BHLHE22: variants seen among roughly 807,000 people sequenced by gnomAD.
BHLHE22 encodes the protein class E basic helix-loop-helix protein 22.
In BHLHE22, 8 loss-of-function variants were observed where a neutral mutation model predicts 17.6. The ratio of observed to expected loss-of-function variants is 0.45; its 90% CI spans 0.27 to 0.82. The LOEUF (loss-of-function observed/expected upper bound fraction) is 0.82, where lower values mean the gene tolerates loss of function less well. BHLHE22 is among the 40% of genes least tolerant of loss of function. The pLI, the probability that BHLHE22 is intolerant of heterozygous loss-of-function variation, is 0.16. For missense variants in BHLHE22, 570 were observed against 581.5 expected, an observed-to-expected ratio of 0.98 and a Z score of 0.20; for synonymous variants, 353 against 282.7, an observed-to-expected ratio of 1.25 and a Z score of -2.49.
chr8:64,581,424 A>G lies in BHLHE22; in HGVS notation c.634A>G (p.Ser212Gly). 1.3e-6 allele frequency: 2 copies of G among 1,535,586 alleles called. No individual in the cohort carries two copies. The highest frequency in any genetic ancestry group is 2.0e-5 in the Admixed American group (1 of 50,966). Residue 212 changes from serine (S) to glycine (G), a missense_variant, in exon 1 of 1, where the codon AGC becomes GGC. Coordinates refer to ENST00000321870, the MANE Select transcript of BHLHE22 (RefSeq NM_152414.5). This position sits in a 1 kb window ranked among gnomAD's most constrained non-coding sequence, Gnocchi z 6.4. ...CGGCGGCGGGGGTAGCAGCAGCGGT[A>G]GCAGTGGCGGCGGTGGCGGTAGCGG... is the stretch of plus-strand genomic sequence containing the variant. ...GGGGGGSSSG[S>G]SGGGGGSGSG...
Position 64,580,451 on chromosome 8 carries a change from G to T in BHLHE22, c.-340G>T. On this transcript the variant is annotated 5_prime_UTR_variant, in exon 1 of 1. Transcript: ENST00000321870. ...GAATCCAAGCAAGATAAACGGTGCG[G>T]AGAGGAGGCGCGGGGCTGGGCTCAG... 6.4e-6 allele frequency: 1 copy of T among 155,070 alleles called. No individual in the cohort carries two copies. The highest frequency in any genetic ancestry group is 1.8e-4 in the South Asian group (1 of 5,562). 9.6% of individuals were successfully genotyped at this position (155,070 alleles called of 1,614,324 possible).
Position 64,581,253 on chromosome 8 carries a change from C to T in BHLHE22, c.463C>T (p.Arg155Cys). The change falls in exon 1 of 1, where the codon CGC (arginine) becomes TGC (cysteine). Residue 155 changes from arginine to cysteine, a missense_variant. By Grantham distance (180) the Arg-to-Cys change is radical. Around this residue, in one of 3 missense-constraint regions of BHLHE22, gnomAD observed 427 missense variants for 376.2 expected, o/e 1.14. Coordinates refer to ENST00000321870, the MANE Select transcript of BHLHE22 (RefSeq NM_152414.5). The surrounding 1 kb of genome is among the most constrained non-coding windows in gnomAD (Gnocchi z 6.4). Reference sequence around the variant, plus strand: ...GAGCCCCGACGACGACAGCGACGGTCGCTGCGAGCTCGTGCTGCGGGCCGG... The same window carrying T: ...GAGCCCCGACGACGACAGCGACGGTTGCTGCGAGCTCGTGCTGCGGGCCGG... The part of the protein sequence containing the change: ...EQSPDDDSDG[R>C]CELVLRAGVA... 1 of 1,450,166 alleles carries T rather than the reference C, an allele frequency of 6.9e-7. No individual in the cohort carries two copies. Among genetic ancestry groups the T allele is most frequent in the Non-Finnish European group, 9.0e-7 (1 of 1,113,738 alleles). The allele number at this position is 1,450,166 out of a possible 1,614,324, so 89.8% of individuals were successfully genotyped here.
Position 64,580,509 on chromosome 8 carries a change from G to T in BHLHE22, c.-282G>T. 6.5e-6 allele frequency: 1 copy of T among 153,896 alleles called. No individual in the cohort carries two copies. The highest frequency in any genetic ancestry group is 1.8e-4 in the South Asian group (1 of 5,452). The allele number at this position is 153,896 out of a possible 1,614,324, so 9.5% of individuals were successfully genotyped here. A position where few individuals can be genotyped will look rare whatever the true frequency, so the allele number is the denominator to read the frequency against. ...GCGGCGGCGGCTCCACTCCCTCCGC[G>T]CCCACCCTCCCACCATGCGGGGCCG... On this transcript the variant is annotated 5_prime_UTR_variant, in exon 1 of 1. Transcript: ENST00000321870.
In BHLHE22 at chr8:64,581,614, C is replaced by T; in HGVS notation, c.824C>T (p.Pro275Leu). The T allele has an allele frequency of 6.2e-7, 1 of 1,613,148 alleles. No homozygotes were observed. Residue 275 changes from proline (P) to leucine (L), a missense_variant, in exon 1 of 1, where the codon CCC (proline) becomes CTC (leucine). By Grantham distance (98) the Pro-to-Leu change is moderately conservative (BLOSUM62 -3). This residue lies in a region of BHLHE22 where 32 missense variants were observed against 83.3 expected (regional missense o/e 0.38). Coordinates refer to ENST00000321870, the MANE Select transcript of BHLHE22 (RefSeq NM_152414.5). The surrounding 1 kb of genome is among the most constrained non-coding windows in gnomAD (Gnocchi z 6.4). Reference sequence around the variant, plus strand: ...GCGGTGATCCCCTACGCGCACAGCCCCTCGGTGCGAAAGCTCTCCAAGATC... The same window carrying T: ...GCGGTGATCCCCTACGCGCACAGCCTCTCGGTGCGAAAGCTCTCCAAGATC... ...LRAVIPYAHS[P>L]SVRKLSKIAT...
rs1177082933 is a variant in BHLHE22, at chr8:64,581,435, C to G, written c.645C>G (p.Gly215=). 2.6e-6 allele frequency: 4 copies of G among 1,536,214 alleles called. No homozygotes were observed. The Admixed American group carries it at 5.9e-5, about 23-fold the overall frequency. ...GGGSSSGSSG[G]GGGSGSGSGG... ...GTAGCAGCAGCGGTAGCAGTGGCGG[C>G]GGTGGCGGTAGCGGTAGCGGCAGCG... The change falls in exon 1 of 1, where the codon GGC becomes GGG. Residue 215 remains glycine, a synonymous_variant. Coordinates refer to ENST00000321870, the MANE Select transcript of BHLHE22 (RefSeq NM_152414.5). This position sits in a 1 kb window ranked among gnomAD's most constrained non-coding sequence, Gnocchi z 6.4.
rs1224252328 is a variant in BHLHE22, at chr8:64,581,412, A to G, written c.622A>G (p.Ser208Gly). 2.0e-6 allele frequency: 3 copies of G among 1,531,282 alleles called. No individual in the cohort carries two copies. The highest frequency in any genetic ancestry group is 2.0e-5 in the Admixed American group (1 of 50,708). 94.9% of individuals were successfully genotyped at this position (1,531,282 alleles called of 1,614,324 possible). Reference protein sequence around the residue: ...GGLGGGGGGGSSSGSSGGGGG... With the variant: ...GGLGGGGGGGGSSGSSGGGGG... ...CCTGGGCGGCGGCGGCGGCGGGGGT[A>G]GCAGCAGCGGTAGCAGTGGCGGCGG... The change falls in exon 1 of 1, where the codon AGC becomes GGC. Residue 208 changes from serine to glycine, a missense_variant. By Grantham distance (56) the Ser-to-Gly change is moderately conservative. Coordinates refer to ENST00000321870, the MANE Select transcript of BHLHE22 (RefSeq NM_152414.5). The surrounding 1 kb of genome is among the most constrained non-coding windows in gnomAD (Gnocchi z 6.4).
At position 64,581,428 on chromosome 8, in the gene BHLHE22, G is replaced by A; in HGVS notation, c.638G>A (p.Ser213Asn). The A allele has an allele frequency of 2.0e-6, 3 of 1,535,480 alleles. No individual in the cohort carries two copies. The highest frequency in any genetic ancestry group is 2.6e-6 in the Non-Finnish European group (3 of 1,145,660). ...GGCGGGGGTAGCAGCAGCGGTAGCA[G>A]TGGCGGCGGTGGCGGTAGCGGTAGC... ...GGGGGSSSGS[S>N]GGGGGSGSGS... The change falls in exon 1 of 1, where the codon AGT becomes AAT. Residue 213 changes from serine (S) to asparagine (N), a missense_variant. Ser to Asn is a conservative substitution (Grantham distance 46). Transcript: ENST00000321870. This position sits in a 1 kb window ranked among gnomAD's most constrained non-coding sequence, Gnocchi z 6.4.
At position 64,580,757 on chromosome 8, in the gene BHLHE22, C is replaced by T. The variant is rs1017104364; in HGVS notation, c.-34C>T. 5 of 1,096,588 alleles carry T rather than the reference C, an allele frequency of 4.6e-6. No individual in the cohort carries two copies. The South Asian group carries it at 1.8e-4, about 38-fold the overall frequency. 67.9% of individuals were successfully genotyped at this position (1,096,588 alleles called of 1,614,324 possible). ...CCGAGGCGGCGGCGGCGGCAGCGGGCGCGGCGGCCCGGGCTGCGCGCCGGC... is the reference window on the plus strand; with the variant it reads ...CCGAGGCGGCGGCGGCGGCAGCGGGTGCGGCGGCCCGGGCTGCGCGCCGGC... On this transcript the variant is annotated 5_prime_UTR_variant, in exon 1 of 1. Coordinates refer to ENST00000321870, the MANE Select transcript of BHLHE22 (RefSeq NM_152414.5).
Position 64,581,703 on chromosome 8 carries a change from C to A in BHLHE22, c.913C>A (p.Arg305Ser). Reference sequence around the variant, plus strand: ...GGCGCAGGCCCTGGAGGAGATGCGGCGCCTAGTCGCCTACCTCAACCAGGG... The same window carrying A: ...GGCGCAGGCCCTGGAGGAGATGCGGAGCCTAGTCGCCTACCTCAACCAGGG... ...MQAQALEEMR[R>S]LVAYLNQGQA... The change falls in exon 1 of 1, where the codon CGC (arginine) becomes AGC (serine). Residue 305 changes from arginine (R) to serine (S), a missense_variant. This residue lies in a region of BHLHE22 where 111 missense variants were observed against 122.0 expected (regional missense o/e 0.91). Coordinates refer to ENST00000321870, the MANE Select transcript of BHLHE22 (RefSeq NM_152414.5). This position sits in a 1 kb window ranked among gnomAD's most constrained non-coding sequence, Gnocchi z 6.4. The A allele has an allele frequency of 6.2e-7, 1 of 1,607,398 alleles. No individual in the cohort carries two copies. Among genetic ancestry groups the A allele is most frequent in the South Asian group, 1.1e-5 (1 of 90,352 alleles).
In BHLHE22 at chr8:64,580,903, C is replaced by G; in HGVS notation, c.113C>G (p.Thr38Arg). 3.3e-6 allele frequency: 5 copies of G among 1,519,496 alleles called. No homozygotes were observed. The highest frequency in any genetic ancestry group is 4.4e-6 in the Non-Finnish European group (5 of 1,144,552). The allele number at this position is 1,519,496 out of a possible 1,614,324, so 94.1% of individuals were successfully genotyped here. A position where few individuals can be genotyped will look rare whatever the true frequency, so the allele number is the denominator to read the frequency against. Residue 38 changes from threonine to arginine, a missense_variant, in exon 1 of 1, where the codon ACG (threonine) becomes AGG (arginine). Physicochemically the swap from Thr to Arg is moderately conservative, Grantham distance 71 (BLOSUM62 -1). Transcript: ENST00000321870. ...CGCTTGGAAGCGGCTTTCCGCTCCA[C>G]GCCCCCGGGCATGGACCTGTCCCTG... ...SKRLEAAFRS[T>R]PPGMDLSLAP...
chr8:64,581,154 G>A lies in BHLHE22; in HGVS notation c.364G>A (p.Gly122Arg). 3 of 1,409,794 alleles carry A rather than the reference G, an allele frequency of 2.1e-6. No homozygotes were observed. The highest frequency in any genetic ancestry group is 2.7e-6 in the Non-Finnish European group (3 of 1,092,158). 87.3% of individuals were successfully genotyped at this position (1,409,794 alleles called of 1,614,324 possible). Residue 122 changes from glycine to arginine, a missense_variant, in exon 1 of 1, where the codon GGG becomes AGG. Gly to Arg is a moderately radical substitution (Grantham distance 125, BLOSUM62 -2). Transcript: ENST00000321870. The surrounding 1 kb of genome is among the most constrained non-coding windows in gnomAD (Gnocchi z 6.4). ...GDPSLSSLPA[G>R]AALCLKYGES... is the part of the protein sequence containing the mutation. ...CCCTAGCCTAAGCAGCCTGCCGGCC[G>A]GGGCCGCCCTTTGCCTCAAGTACGG...
rs1430057393 is a variant in BHLHE22, at chr8:64,582,942, T to A, written c.*1006T>A. ...GGTCACCTGGATATTTTCAGTTGCA[T>A]CATCCCTGTATTTAAATTGAGCTTT... On this transcript the variant is annotated 3_prime_UTR_variant, in exon 1 of 1. Coordinates refer to ENST00000321870, the MANE Select transcript of BHLHE22 (RefSeq NM_152414.5). 3 of 166,926 alleles carry A rather than the reference T, an allele frequency of 1.8e-5. No homozygotes were observed. The highest frequency in any genetic ancestry group is 2.9e-5 in the Non-Finnish European group (2 of 68,116). The allele number at this position is 166,926 out of a possible 1,614,324, so 10.3% of individuals were successfully genotyped here.
At position 64,581,045 on chromosome 8, in the gene BHLHE22, C is replaced by T. The variant is rs866376656; in HGVS notation, c.255C>T (p.Gly85=). The T allele has an allele frequency of 1.5e-6, 2 of 1,326,082 alleles. No individual in the cohort carries two copies. Among genetic ancestry groups the T allele is most frequent in the South Asian group, 2.2e-5 (1 of 45,086 alleles). 82.1% of individuals were successfully genotyped at this position (1,326,082 alleles called of 1,614,324 possible). Residue 85 remains glycine (G), a synonymous_variant, in exon 1 of 1, where the codon GGC becomes GGT. Coordinates refer to ENST00000321870, the MANE Select transcript of BHLHE22 (RefSeq NM_152414.5). This position sits in a 1 kb window ranked among gnomAD's most constrained non-coding sequence, Gnocchi z 6.4. ...LLLPPPGGGG[G]GSAGSGGGGG... is the part of the protein sequence containing the mutation. ...TGCCGCCGCCTGGAGGAGGCGGCGG[C>T]GGCAGCGCGGGAAGTGGCGGCGGCG...
In BHLHE22 at chr8:64,580,986, G is replaced by C; in HGVS notation, c.196G>C (p.Glu66Gln). The change falls in exon 1 of 1, where the codon GAG (glutamate) becomes CAG (glutamine). Residue 66 changes from glutamate (E) to glutamine (Q), a missense_variant. By Grantham distance (29) the Glu-to-Gln change is conservative (BLOSUM62 2). Transcript: ENST00000321870. ...CTCCTCGTCGCCCCTGGGCTGCTTC[G>C]AGCCGGCTGACCCCGAGGGGGCAGG... ...SSSSSPLGCF[E>Q]PADPEGAGLL... The C allele has an allele frequency of 7.4e-7, 1 of 1,359,748 alleles. No homozygotes were observed. Among genetic ancestry groups the C allele is most frequent in the Non-Finnish European group, 9.4e-7 (1 of 1,062,430 alleles). 84.2% of individuals were successfully genotyped at this position (1,359,748 alleles called of 1,614,324 possible).
Position 64,581,786 on chromosome 8 carries a change from T to A in BHLHE22, c.996T>A (p.Ala332=), listed in dbSNP as rs1274274303. Residue 332 remains alanine (A), a synonymous_variant, in exon 1 of 1, where the codon GCT becomes GCA. Coordinates refer to ENST00000321870, the MANE Select transcript of BHLHE22 (RefSeq NM_152414.5). This position sits in a 1 kb window ranked among gnomAD's most constrained non-coding sequence, Gnocchi z 6.4. ...CGGCGGCTGCAGCGGCAGCAGCTGC[T>A]GCCCTGCACCCGGCGCTCGGCGCCT... is the stretch of plus-strand genomic sequence containing the variant. The part of the protein sequence containing the change: ...PSSAAAAAAA[A]ALHPALGAYE... 5 of 1,589,076 alleles carry A rather than the reference T, an allele frequency of 3.1e-6. No homozygotes were observed. The African/African-American group carries it at 5.4e-5, about 17-fold the overall frequency.
In BHLHE22 at chr8:64,581,618, G is replaced by C; in HGVS notation, c.828G>C (p.Ser276=). The stretch of plus-strand genomic sequence containing the variant: ...TGATCCCCTACGCGCACAGCCCCTC[G>C]GTGCGAAAGCTCTCCAAGATCGCCA... ...RAVIPYAHSP[S]VRKLSKIATL... is the part of the protein sequence containing the mutation. The change falls in exon 1 of 1, where the codon TCG becomes TCC. Residue 276 remains serine, a synonymous_variant. Transcript: ENST00000321870. The surrounding 1 kb of genome is among the most constrained non-coding windows in gnomAD (Gnocchi z 6.4). The C allele has an allele frequency of 1.2e-6, 2 of 1,613,152 alleles. No homozygotes were observed. The highest frequency in any genetic ancestry group is 2.2e-5 in the South Asian group (2 of 91,048).
rs1380745451 is a variant in BHLHE22 at position 64,583,580 on chromosome 8, A to G, written c.*1644A>G. Reference sequence around the variant, plus strand: ...ATGACAGCTATGTACGACCATTTGTATGTGTATCTATGTCAGAAAGAATCT... The same window carrying G: ...ATGACAGCTATGTACGACCATTTGTGTGTGTATCTATGTCAGAAAGAATCT... On this transcript the variant is annotated 3_prime_UTR_variant, in exon 1 of 1. Transcript: ENST00000321870. 6.0e-6 allele frequency: 1 copy of G among 167,086 alleles called. No individual in the cohort carries two copies. The highest frequency in any genetic ancestry group is 1.5e-5 in the Non-Finnish European group (1 of 68,126). The allele number at this position is 167,086 out of a possible 1,614,324, so 10.4% of individuals were successfully genotyped here.
rs564778972 is a variant in BHLHE22, at chr8:64,581,070, G to A, written c.280G>A (p.Gly94Ser). Residue 94 changes from glycine to serine, a missense_variant, in exon 1 of 1, where the codon GGC becomes AGC. Transcript: ENST00000321870. This position sits in a 1 kb window ranked among gnomAD's most constrained non-coding sequence, Gnocchi z 6.4. The part of the protein sequence containing the change: ...GGGSAGSGGG[G>S]GGGVGVPGLL... ...CGGCAGCGCGGGAAGTGGCGGCGGC[G>A]GCGGCGGCGGGGTGGGTGTCCCCGG... 4,112 of 1,325,086 alleles carry A rather than the reference G, an allele frequency of 3.1e-3. 7 individuals are homozygous for A. The highest frequency in any genetic ancestry group is 3.6e-3 in the Admixed American group (88 of 24,244). 82.1% of individuals were successfully genotyped at this position (1,325,086 alleles called of 1,614,324 possible). A position where few individuals can be genotyped will look rare whatever the true frequency, so the allele number is the denominator to read the frequency against.
rs1432639342 is a variant in BHLHE22, at chr8:64,581,444, T to TAGCGGTAGCGGC, written c.660_671dup (p.Ser221_Gly224dup). On this transcript the variant is annotated inframe_insertion, in exon 1 of 1. Transcript: ENST00000321870. The surrounding 1 kb of genome is among the most constrained non-coding windows in gnomAD (Gnocchi z 6.4). ...GCGGTAGCAGTGGCGGCGGTGGCGGTAGCGGTAGCGGCAGCGGCGGCAGCA... is the reference window on the plus strand; with the variant it reads ...GCGGTAGCAGTGGCGGCGGTGGCGGTAGCGGTAGCGGCAGCGGTAGCGGCAGCGGCGGCAGCA... 1 of 1,534,302 alleles carries TAGCGGTAGCGGC rather than the reference T, an allele frequency of 6.5e-7. No individual in the cohort carries two copies. The highest frequency in any genetic ancestry group is 2.4e-5 in the East Asian group (1 of 40,850).
Sources: gnomAD v4.1 joint callset for allele counts on GRCh38, gnomAD v4.1.1 for gene constraint, gnomAD v4.1.1 regional missense constraint, Gnocchi (gnomAD v3.1) non-coding constraint, MANE v1.5 for transcripts, NCBI Gene and HGNC (gene_info 2026-07-23, HGNC 2026-07-21) for gene names.